TNNT2: variants seen among roughly 807,000 people sequenced by gnomAD.
TNNT2 encodes troponin T2, cardiac type.
A neutral mutation model predicts 62.4 loss-of-function variants in TNNT2; 34 were observed. The observed-to-expected ratio is 0.54, with a 90% CI of 0.41 to 0.72. The LOEUF (loss-of-function observed/expected upper bound fraction) is 0.72, where lower values mean the gene tolerates loss of function less well. Among genes scored for constraint, TNNT2 ranks in the 30% least tolerant of loss-of-function variants. The pLI, the probability that TNNT2 is intolerant of heterozygous loss-of-function variation, is 0.00. For missense variants in TNNT2, 275 were observed against 381.9 expected (o/e 0.72, Z 2.33); for synonymous variants, 123 against 127.2 (o/e 0.97, Z 0.22).
At chr1:201,374,445 C>T (rs1661097503) in intron 1 of TNNT2, 1 of 152,188 alleles carries the variant, frequency 6.6e-6, no homozygotes, top group Non-Finnish European at 1.5e-5. Context: ...TGTACACATC[C>T]TGGCTACTCA....
Position 201,362,017 on chromosome 1 carries a change from C to T in TNNT2, c.615G>A (p.Glu205=), listed in dbSNP as rs1280760983. 6.2e-7 allele frequency: 1 copy of T among 1,614,178 alleles called. No individual in the cohort carries two copies. The highest frequency in any genetic ancestry group is 1.7e-5 in the Admixed American group (1 of 60,022). ...CAGTCTGCCTCTTCCCACTTTTCCG[C>T]TCTGTCTGGAGGGTGTGGGAAGCAG... ...GGYIQKQAQT[E]RKSGKRQTER... Residue 205 remains glutamate, a synonymous_variant, in exon 14 of 17, where the codon GAG becomes GAA. Transcript: ENST00000656932.
At position 201,369,815 on chromosome 1, in the gene TNNT2, C is replaced by G. The variant is rs1660343807; in HGVS notation, c.97+1G>C. ...CACCACAGAAGGAAAGGCTGTACTA[C>G]CGTCTTCGTCCTCTCTCCAGTCCTC... is the stretch of plus-strand genomic sequence containing the variant. On this transcript the variant is annotated splice_donor_variant, in intron 5 of 16. Coordinates refer to ENST00000656932, the MANE Select transcript of TNNT2 (RefSeq NM_001276345.2). LOFTEE classifies it high-confidence loss of function. 6.2e-7 allele frequency: 1 copy of G among 1,614,098 alleles called. No individual in the cohort carries two copies. Among genetic ancestry groups the G allele is most frequent in the Non-Finnish European group, 8.5e-7 (1 of 1,180,030 alleles).
At chr1:201,364,548 G>A (rs1270817466) in intron 10 of TNNT2, among the ~76,000 whole-genome samples, 173 bp from the exon 11 acceptor site, 3 of 152,206 alleles carry the variant, frequency 2.0e-5, no homozygotes, top group Admixed American at 1.3e-4. Flanking sequence ...CTCCACGGAC[G>A]TGCACACCAG....
At chr1:201,376,176 C>T (rs1005222387) in intron 1 of TNNT2, among the ~76,000 whole-genome samples, 2 of 152,180 alleles carry the variant, frequency 1.3e-5, no homozygotes, top group East Asian at 3.8e-4. Context: ...ATAGCCAACA[C>T]GTGTTGGAAG....
intron 13 of TNNT2, 132 bp from the exon 14 acceptor site, chr1:201,362,154 C>A: frequency 8.5e-7 from 1 of 1,174,572 alleles, no homozygotes; most frequent in Non-Finnish European, 1.3e-6. Flanking sequence ...TCCTGCCACA[C>A]CCCCCAACTA....
chr1:201,363,546 A>G, intron 11 of TNNT2, 140 bp from the exon 12 acceptor site: 1 of 760,096 alleles, frequency 1.3e-6, no homozygotes, highest in Non-Finnish European at 2.3e-6. Context: ...GGTAGCTCCC[A>G]GCACAGTGCT....
chr1:201,376,999 C>G (rs1230652842), intron 1 of TNNT2, among the ~76,000 whole-genome samples: 3 of 152,212 alleles, frequency 2.0e-5, no homozygotes, highest in Non-Finnish European at 4.4e-5. Flanking sequence ...GGCACTGAGT[C>G]AGCGGCATCA....
intron 1 of TNNT2, chr1:201,374,339 A>C (rs1043214123): frequency 6.6e-6 from 1 of 152,124 alleles, no homozygotes; most frequent in Non-Finnish European, 1.5e-5. Context: ...GATAATCTAG[A>C]TTCAGATCCT....
chr1:201,370,713 G>A (rs568103178), intron 4 of TNNT2, among the ~76,000 whole-genome samples: 28 of 152,340 alleles, frequency 1.8e-4, no homozygotes, highest in African/African-American at 6.3e-4. Flanking sequence ...GCACAGTGGA[G>A]AATGACTCTG....
rs541576129 is a variant in TNNT2 at position 201,365,388 on chromosome 1, C to T, written c.295-81G>A. On this transcript the variant is annotated intron_variant, in intron 9 of 16. Transcript: ENST00000656932. ...GATGGGTGGGCTAGACACCCCCCAA[C>T]GCAGTGCAAAAGACCTCTGGCAGGG... The T allele has an allele frequency of 8.2e-5, 110 of 1,344,118 alleles. No individual in the cohort carries two copies. In the African/African-American group the frequency reaches 1.2e-3, roughly 14 times the overall value. 83.3% of individuals were successfully genotyped at this position (1,344,118 alleles called of 1,614,324 possible).
intron 13 of TNNT2, 44 bp downstream of exon 13, chr1:201,362,342 C>T: frequency 6.2e-7 from 1 of 1,612,198 alleles, no homozygotes; most frequent in Non-Finnish European, 8.5e-7. Flanking sequence ...GGGAGCTCTC[C>T]AAAACTATGG....
chr1:201,374,466 G>A (rs1159923333), intron 1 of TNNT2: 4 of 152,090 alleles, frequency 2.6e-5, no homozygotes, highest in African/African-American at 7.2e-5. Context: ...GGGTCTTTAC[G>A]AGGCTCCAGT....
intron 1 of TNNT2, among the ~76,000 whole-genome samples, chr1:201,375,715 G>A (rs1661300182): frequency 6.6e-6 from 1 of 152,206 alleles, no homozygotes; most frequent in Admixed American, 6.5e-5. Context: ...CTGAGCCCCA[G>A]GAGAAGCTTG....
intron 6 of TNNT2, 108 bp downstream of exon 6, chr1:201,368,054 A>G (rs994939668): frequency 1.7e-5 from 20 of 1,156,232 alleles, no homozygotes; most frequent in Non-Finnish European, 2.6e-6. Flanking sequence ...TAGGAGAGTC[A>G]GGTGCACATG....
chr1:201,359,608 A>C lies in TNNT2; in HGVS notation c.851+15T>G, dbSNP rs1658218630. On this transcript the variant is annotated intron_variant, in intron 16 of 16. Coordinates refer to ENST00000656932, the MANE Select transcript of TNNT2 (RefSeq NM_001276345.2). ...GCAGGGGGAGGGCTAGGCGAGAATG[A>C]CCTCAGACACTTACACTTTCTGGTT... 1 of 1,598,024 alleles carries C rather than the reference A, an allele frequency of 6.3e-7. No individual in the cohort carries two copies.
Position 201,363,088 on chromosome 1 carries a change from C to T in TNNT2, c.600+208G>A, listed in dbSNP as rs2102242693. On this transcript the variant is annotated intron_variant, in intron 12 of 16. Coordinates refer to ENST00000656932, the MANE Select transcript of TNNT2 (RefSeq NM_001276345.2). ...GGTGCCCCAGGCTCTGCCTGTAGCCCCCTACCCCAGCAAGCCCCTCCTAGT... is the reference window on the plus strand; with the variant it reads ...GGTGCCCCAGGCTCTGCCTGTAGCCTCCTACCCCAGCAAGCCCCTCCTAGT... The T allele has an allele frequency of 4.1e-6, 4 of 985,156 alleles. No individual in the cohort carries two copies. The South Asian group carries it at 1.9e-4, about 46-fold the overall frequency. 61.0% of individuals were successfully genotyped at this position (985,156 alleles called of 1,614,324 possible). A position where few individuals can be genotyped will look rare whatever the true frequency, so the allele number is the denominator to read the frequency against.
chr1:201,359,561 C>A (rs1269088040), intron 16 of TNNT2, 62 bp downstream of exon 16: 7 of 1,509,224 alleles, frequency 4.6e-6, no homozygotes, highest in Non-Finnish European at 6.4e-6. Context: ...AATGGGATAG[C>A]TGGAAGGTAG....
intron 5 of TNNT2, chr1:201,369,291 G>T (rs773444489): frequency 2.7e-4 from 127 of 472,380 alleles, no homozygotes; most frequent in African/African-American, 2.3e-3. Flanking sequence ...TTGGTCCTGT[G>T]CTCCCCATCA....
intron 5 of TNNT2, chr1:201,369,473 G>A (rs532338601): frequency 1.1e-4 from 52 of 490,278 alleles, no homozygotes; most frequent in Admixed American, 3.3e-4. Context: ...TGGGGTGTGC[G>A]CGGGGGCAGG....
Sources: allele counts gnomAD v4.1 joint callset (sites outside exome capture counted in the v4.1 genomes callset), GRCh38; gene constraint gnomAD v4.1.1; transcripts MANE v1.5; gene names NCBI Gene and HGNC (gene_info 2026-07-23, HGNC 2026-07-21).